The following RPSA2 variants were observed in gnomAD, a reference collection of about 807,000 sequenced individuals.
RPSA2 encodes ribosomal protein SA 2.
At chr19:23,822,078 A>G in the RPSA2 span, among the ~76,000 whole-genome samples, 1 of 152,188 alleles carries the variant, frequency 6.6e-6, no homozygotes, top group African/African-American at 2.4e-5. Context: ...CTCAGGGTCA[A>G]ATGGAGTGTA....
chr19:23,795,984 C>G, the RPSA2 span, among the ~76,000 whole-genome samples: 1 of 152,212 alleles, frequency 6.6e-6, no homozygotes, highest in Non-Finnish European at 1.5e-5. Context: ...AGGTTGATCT[C>G]AAACTCCTGA....
chr19:23,807,584 T>C, the RPSA2 span, among the ~76,000 whole-genome samples: 2 of 152,240 alleles, frequency 1.3e-5, no homozygotes, highest in Non-Finnish European at 2.9e-5. Context: ...AATTTTATAC[T>C]TTATCATCCA....
the RPSA2 span, among the ~76,000 whole-genome samples, chr19:23,869,496 A>G: frequency 6.6e-6 from 1 of 152,168 alleles, no homozygotes; most frequent in Non-Finnish European, 1.5e-5. Flanking sequence ...GTCTTGGCCC[A>G]CTGGGTAGAA....
the RPSA2 span, among the ~76,000 whole-genome samples, chr19:23,822,077 A>G: frequency 1.3e-5 from 2 of 152,218 alleles, no homozygotes; most frequent in Admixed American, 6.5e-5. Context: ...CCTCAGGGTC[A>G]AATGGAGTGT....
the RPSA2 span, among the ~76,000 whole-genome samples, chr19:23,863,970 C>A: frequency 6.6e-6 from 1 of 152,180 alleles, no homozygotes; most frequent in South Asian, 2.1e-4. Context: ...ACATCTACAT[C>A]TGGGGCTGCT....
At chr19:23,776,925 A>G in the RPSA2 span, among the ~76,000 whole-genome samples, 1 of 152,130 alleles carries the variant, frequency 6.6e-6, no homozygotes, top group Non-Finnish European at 1.5e-5. Context: ...TGCCTATAAG[A>G]GACATTGTCA....
the RPSA2 span, among the ~76,000 whole-genome samples, chr19:23,857,234 A>G: frequency 6.6e-6 from 1 of 152,212 alleles, no homozygotes; most frequent in African/African-American, 2.4e-5. Context: ...TTGTACAGTT[A>G]ACACAGTTAT....
At chr19:23,855,219 C>T in the RPSA2 span, among the ~76,000 whole-genome samples, 2 of 152,132 alleles carry the variant, frequency 1.3e-5, no homozygotes, top group East Asian at 3.9e-4. Flanking sequence ...ATTAGAATGC[C>T]ATCAGCATGA....
At chr19:23,849,992 C>T in the RPSA2 span, among the ~76,000 whole-genome samples, 3 of 152,038 alleles carry the variant, frequency 2.0e-5, no homozygotes, top group Non-Finnish European at 2.9e-5. Context: ...TTAATCTCTC[C>T]GGAAGATAAG....
At chr19:23,823,883 C>T in the RPSA2 span, 1 of 152,196 alleles carries the variant, frequency 6.6e-6, no homozygotes, top group Admixed American at 6.6e-5. Flanking sequence ...GGTCATGGGT[C>T]TCTCCTGGCT....
the RPSA2 span, among the ~76,000 whole-genome samples, chr19:23,761,304 C>T: frequency 1.3e-5 from 2 of 151,976 alleles, no homozygotes; most frequent in African/African-American, 2.4e-5. Context: ...GGTCTTGAAC[C>T]CCTGGGCTTA....
chr19:23,870,272 C>T, the RPSA2 span, among the ~76,000 whole-genome samples: 1 of 152,156 alleles, frequency 6.6e-6, no homozygotes, highest in Admixed American at 6.5e-5. Flanking sequence ...AGGCATGCAG[C>T]CAACTAAGCA....
chr19:23,843,304 A>G, the RPSA2 span: 1 of 169,192 alleles, frequency 5.9e-6, no homozygotes, highest in African/African-American at 2.4e-5. Context: ...AGCAGATAAC[A>G]CAGACAAGAG....
chr19:23,845,913 T>C, the RPSA2 span, among the ~76,000 whole-genome samples: 1 of 152,238 alleles, frequency 6.6e-6, no homozygotes, highest in Admixed American at 6.5e-5. Flanking sequence ...TACTATGGTC[T>C]AAGTAGGTAG....
the RPSA2 span, among the ~76,000 whole-genome samples, chr19:23,804,461 T>TC: frequency 1.6e-4 from 1 of 6,182 alleles, no homozygotes; most frequent in Non-Finnish European, 6.5e-3. Flanking sequence ...CACACCCGGC[T>TC]AATTTTTGTA....
chr19:23,835,089 T>C, the RPSA2 span, among the ~76,000 whole-genome samples: 1 of 152,150 alleles, frequency 6.6e-6, no homozygotes, highest in South Asian at 2.1e-4. Context: ...TTTAAGTTAT[T>C]TTTAATGTAC....
chr19:23,834,512 T>C, the RPSA2 span, among the ~76,000 whole-genome samples: 1 of 152,054 alleles, frequency 6.6e-6, no homozygotes, highest in Non-Finnish European at 1.5e-5. Context: ...TTATAATATT[T>C]TGTGATACAT....
the RPSA2 span, chr19:23,758,624 G>A: frequency 2.0e-6 from 3 of 1,473,758 alleles, no homozygotes; most frequent in South Asian, 2.3e-5. Flanking sequence ...TATGGTCCAA[G>A]TGGACTGAGG....
At chr19:23,842,994 G>T in the RPSA2 span, among the ~76,000 whole-genome samples, 1 of 152,126 alleles carries the variant, frequency 6.6e-6, no homozygotes, top group Non-Finnish European at 1.5e-5. Context: ...GTATTGGATA[G>T]TAGAGCTAAG....
Sources: allele counts gnomAD v4.1 joint callset (sites outside exome capture counted in the v4.1 genomes callset), GRCh38; gene constraint gnomAD v4.1.1; transcripts MANE v1.5; gene names NCBI Gene and HGNC (gene_info 2026-07-23, HGNC 2026-07-21).